Variants in RRAS2 observed in about 807,000 individuals in gnomAD.
The protein encoded by RRAS2 is RAS related 2, also known as ras-related protein R-Ras2.
In RRAS2, 7 loss-of-function variants were observed where a neutral mutation model predicts 27.6. The observed-to-expected ratio is 0.25, with a 90% CI of 0.14 to 0.48. RRAS2 has a LOEUF of 0.48. Ranked by LOEUF, RRAS2 falls within the 20% of genes least tolerant of loss-of-function variation. The pLI, the probability that RRAS2 is intolerant of heterozygous loss-of-function variation, is 0.99. For missense variants in RRAS2, 178 were observed against 256.2 expected (o/e 0.69, Z 2.08); for synonymous variants, 86 against 90.9 (o/e 0.95, Z 0.31).
intron 1 of RRAS2, among the ~76,000 whole-genome samples, chr11:14,356,923 G>A (rs562427395): frequency 6.1e-4 from 93 of 151,846 alleles, no homozygotes; most frequent in African/African-American, 2.1e-3. Context: ...GAGTAGCTGG[G>A]ACTACAGGCG....
chr11:14,316,342 C>CA (rs1848105664), intron 1 of RRAS2, among the ~76,000 whole-genome samples: 1 of 152,130 alleles, frequency 6.6e-6, no homozygotes, highest in Non-Finnish European at 1.5e-5. Flanking sequence ...AAGAGAAAGA[C>CA]AGAAGGGGTA....
chr11:14,346,145 G>C (rs1390784398), intron 1 of RRAS2, among the ~76,000 whole-genome samples: 3 of 152,078 alleles, frequency 2.0e-5, no homozygotes, highest in Non-Finnish European at 4.4e-5. Flanking sequence ...GTGACATCCA[G>C]AAAATTTCAT....
chr11:14,306,761 C>T (rs374751704), intron 1 of RRAS2, among the ~76,000 whole-genome samples: 2 of 152,182 alleles, frequency 1.3e-5, no homozygotes, highest in East Asian at 3.9e-4. Context: ...TGAGCTTTTC[C>T]TATCACACTG....
intron 1 of RRAS2, among the ~76,000 whole-genome samples, chr11:14,308,850 T>G (rs1847890666): frequency 1.3e-5 from 2 of 152,176 alleles, no homozygotes; most frequent in South Asian, 2.1e-4. Flanking sequence ...TTAGAGGCAG[T>G]CAGACCTACA....
At position 14,316,052 on chromosome 11, in the gene RRAS2, G is replaced by T. The variant is rs900585283; in HGVS notation, c.109-20197C>A. 4.6e-5 allele frequency among the ~76,000 whole-genome samples: 7 copies of T among 152,082 alleles called. No homozygotes were observed. The East Asian group carries it at 1.3e-3, about 29-fold the overall frequency. On this transcript the variant is annotated intron_variant, in intron 1 of 5. Coordinates refer to ENST00000256196, the MANE Select transcript of RRAS2 (RefSeq NM_012250.6). ...GACAAAAAAAACGTAGTTCAGAAGA[G>T]ATTTTAAAGCAGAAAGCCCAGATCA...
intron 1 of RRAS2, among the ~76,000 whole-genome samples, chr11:14,327,184 C>T (rs1170058782): frequency 2.0e-5 from 3 of 151,974 alleles, no homozygotes; most frequent in Non-Finnish European, 4.4e-5. Flanking sequence ...AAAATTAAAT[C>T]AAAACAACAG....
At position 14,358,987 on chromosome 11, in the gene RRAS2, C is replaced by T. The variant is rs1264555430; in HGVS notation, c.-117G>A. 2 of 1,145,514 alleles carry T rather than the reference C, an allele frequency of 1.7e-6. No homozygotes were observed. The highest frequency in any genetic ancestry group is 2.1e-6 in the Non-Finnish European group (2 of 933,360). The allele number at this position is 1,145,514 out of a possible 1,614,324, so 71.0% of individuals were successfully genotyped here. A position where few individuals can be genotyped will look rare whatever the true frequency, so the allele number is the denominator to read the frequency against. ...GCGGGCGAGCGGCCGGGCTGGGGTC[C>T]CGGGTACCGGGAGGCGTCTGGAGGG... On this transcript the variant is annotated 5_prime_UTR_variant, in exon 1 of 6. Coordinates refer to ENST00000256196, the MANE Select transcript of RRAS2 (RefSeq NM_012250.6). The surrounding 1 kb of genome is among the most constrained non-coding windows in gnomAD (Gnocchi z 5.1).
At chr11:14,315,971 A>C (rs1160119106) in intron 1 of RRAS2, among the ~76,000 whole-genome samples, 1 of 152,212 alleles carries the variant, frequency 6.6e-6, no homozygotes, top group East Asian at 1.9e-4. Context: ...AGAATGTAAA[A>C]ATTCAGTCTC....
At chr11:14,346,883 A>C (rs1435909378) in intron 1 of RRAS2, among the ~76,000 whole-genome samples, 1 of 152,204 alleles carries the variant, frequency 6.6e-6, no homozygotes, top group Non-Finnish European at 1.5e-5. Flanking sequence ...GGCCAGGCAC[A>C]GTGGTTCACG....
At chr11:14,303,539 C>A (rs371442732) in intron 1 of RRAS2, among the ~76,000 whole-genome samples, 12 of 152,152 alleles carry the variant, frequency 7.9e-5, no homozygotes, top group Non-Finnish European at 1.8e-4. Context: ...GAGTTTGAGA[C>A]CGGCCTCAGC....
rs887583994 is a variant in RRAS2, at chr11:14,358,462, G to A, written c.108+301C>T. 5.1e-6 allele frequency: 5 copies of A among 985,426 alleles called. No homozygotes were observed. In the African/African-American group the frequency reaches 7.0e-5, roughly 14 times the overall value. The allele number at this position is 985,426 out of a possible 1,614,324, so 61.0% of individuals were successfully genotyped here. On this transcript the variant is annotated intron_variant, in intron 1 of 5. Transcript: ENST00000256196. This position sits in a 1 kb window ranked among gnomAD's most constrained non-coding sequence, Gnocchi z 5.1. ...CTCGGTGGCCCAGCCTCTCCCGGAG[G>A]TCTCTGGCCTCGGCCAGAGCAATAA...
chr11:14,278,915 G>C lies in RRAS2; in HGVS notation c.*422C>G, dbSNP rs543298406. On this transcript the variant is annotated 3_prime_UTR_variant, in exon 6 of 6. Transcript: ENST00000256196. ...GCTGACATTGAAATGTTTAAAGATA[G>C]GCAAAAATTCACATTAAAAAAAACC... is the stretch of plus-strand genomic sequence containing the variant. 2.5e-5 allele frequency: 4 copies of C among 159,242 alleles called. No homozygotes were observed. In the East Asian group the frequency reaches 7.4e-4, roughly 29 times the overall value. 9.9% of individuals were successfully genotyped at this position (159,242 alleles called of 1,614,324 possible).
chr11:14,279,333 G>C lies in RRAS2; in HGVS notation c.*4C>G, dbSNP rs782350801. ...GGCCGTTGGTAGCTAAAACTGAAGG[G>C]ATTCTAGAAAATGACACAATGGCAG... On this transcript the variant is annotated 3_prime_UTR_variant, in exon 6 of 6. Transcript: ENST00000256196. The C allele has an allele frequency of 7.5e-6, 12 of 1,595,586 alleles. No individual in the cohort carries two copies. The highest frequency in any genetic ancestry group is 9.5e-6 in the Non-Finnish European group (11 of 1,163,462).
intron 1 of RRAS2, among the ~76,000 whole-genome samples, chr11:14,313,445 T>TATTTGCAAATGCAG (rs1848024592): frequency 6.6e-6 from 1 of 152,242 alleles, no homozygotes; most frequent in Non-Finnish European, 1.5e-5. Context: ...GGAAGAGGCT[T>TATTTGCAAATGCAG]GCTCACTGTA....
At chr11:14,291,378 A>G (rs1554945777) in intron 4 of RRAS2, among the ~76,000 whole-genome samples, 1 of 152,182 alleles carries the variant, frequency 6.6e-6, no homozygotes, top group East Asian at 1.9e-4. Flanking sequence ...GCAAAGGAAG[A>G]AAAAGCATAA....
chr11:14,351,420 A>T (rs1218530828), intron 1 of RRAS2, among the ~76,000 whole-genome samples: 2 of 152,196 alleles, frequency 1.3e-5, no homozygotes, highest in Admixed American at 6.5e-5. Flanking sequence ...TTAGGTTAGT[A>T]TATTTTATTC....
At chr11:14,321,244 T>C (rs1848217627) in intron 1 of RRAS2, among the ~76,000 whole-genome samples, 1 of 152,106 alleles carries the variant, frequency 6.6e-6, no homozygotes, top group South Asian at 2.1e-4. Context: ...AAATCTTATG[T>C]CTATACCATT....
chr11:14,305,537 G>T (rs1847810552), intron 1 of RRAS2, among the ~76,000 whole-genome samples: 1 of 152,134 alleles, frequency 6.6e-6, no homozygotes, highest in Non-Finnish European at 1.5e-5. Context: ...TTCTCAGCCT[G>T]ACCTAACTCC....
intron 4 of RRAS2, among the ~76,000 whole-genome samples, chr11:14,289,353 T>C (rs192254747): frequency 3.2e-3 from 492 of 152,266 alleles, no homozygotes; most frequent in South Asian, 9.3e-3. Context: ...GCAAAGACAG[T>C]TGATCTCTAG....
Sources: allele counts gnomAD v4.1 joint callset (sites outside exome capture counted in the v4.1 genomes callset), GRCh38; gene constraint gnomAD v4.1.1; non-coding constraint Gnocchi (gnomAD v3.1); transcripts MANE v1.5; gene names NCBI Gene and HGNC (gene_info 2026-07-23, HGNC 2026-07-21).